NKAIN2: variants seen among roughly 807,000 people sequenced by gnomAD.
NKAIN2 encodes sodium/potassium-transporting ATPase subunit beta-1-interacting protein 2.
NKAIN2 carries 14 observed loss-of-function variants against 32.6 expected under a neutral mutation model. The observed-to-expected ratio is 0.43, with a 90% CI of 0.28 to 0.67. The LOEUF is 0.67. Among genes scored for constraint, NKAIN2 ranks in the 30% least tolerant of loss-of-function variants. The pLI is 0.17. For missense variants in NKAIN2, 198 were observed against 258.3 expected (o/e 0.77, Z 1.60); for synonymous variants, 80 against 87.2 (o/e 0.92, Z 0.46).
chr6:124,165,528 T>A (rs1788487950), intron 1 of NKAIN2, among the ~76,000 whole-genome samples: 1 of 152,096 alleles, frequency 6.6e-6, no homozygotes, highest in Non-Finnish European at 1.5e-5. Flanking sequence ...ATTTTATTAT[T>A]ATTATACTTT....
intron 2 of NKAIN2, among the ~76,000 whole-genome samples, chr6:124,339,161 T>C (rs1798007954): frequency 6.6e-6 from 1 of 151,902 alleles, no homozygotes; most frequent in South Asian, 2.1e-4. Flanking sequence ...GCCAACATGG[T>C]GAAACCCTAT....
intron 1 of NKAIN2, among the ~76,000 whole-genome samples, chr6:124,066,316 C>G: frequency 6.6e-6 from 1 of 152,072 alleles, no homozygotes; most frequent in East Asian, 1.9e-4. Context: ...GTTTCCTGAG[C>G]CATGTTATCA....
intron 1 of NKAIN2, among the ~76,000 whole-genome samples, chr6:124,229,534 A>AGATAGATG (rs1354446407): frequency 2.1e-5 from 3 of 140,144 alleles, no homozygotes; most frequent in African/African-American, 8.6e-5. Flanking sequence ...ATAGATAGAT[A>AGATAGATG]GACAGACAGA....
intron 1 of NKAIN2, among the ~76,000 whole-genome samples, chr6:124,097,614 GC>G (rs1784700575): frequency 6.6e-6 from 1 of 152,166 alleles, no homozygotes; most frequent in African/African-American, 2.4e-5. Context: ...GGCAAGTATA[GC>G]TCCTTAAACC....
At chr6:124,024,637 CCGTGATTATTAGA>C (rs113437404) in intron 1 of NKAIN2, among the ~76,000 whole-genome samples, 13 of 152,036 alleles carry the variant, frequency 8.6e-5, no homozygotes, top group African/African-American at 3.1e-4. Flanking sequence ...GTTATAATAG[CCGTGATTATTAGA>C]CAGTAGTCAT....
At position 124,637,415 on chromosome 6, in the gene NKAIN2, G is replaced by C. The variant is rs560269700; in HGVS notation, c.274-20771G>C. On this transcript the variant is annotated intron_variant, in intron 3 of 6. Coordinates refer to ENST00000368417, the MANE Select transcript of NKAIN2 (RefSeq NM_001040214.3). ...ATTAGATAAGAGAAAGAAAAAGAGGGCATCCAAATTGGAAAAAAAGGAAGT... is the reference window on the plus strand; with the variant it reads ...ATTAGATAAGAGAAAGAAAAAGAGGCCATCCAAATTGGAAAAAAAGGAAGT... 2.5e-4 allele frequency among the ~76,000 whole-genome samples: 38 copies of C among 152,004 alleles called. 1 individual carries two copies. The South Asian group carries it at 7.3e-3, about 29-fold the overall frequency.
intron 1 of NKAIN2, among the ~76,000 whole-genome samples, chr6:123,966,345 A>G (rs1234350438): frequency 6.6e-6 from 1 of 152,092 alleles, no homozygotes; most frequent in East Asian, 1.9e-4. Flanking sequence ...CTTTAATTCT[A>G]ATCATGTCCT....
intron 1 of NKAIN2, among the ~76,000 whole-genome samples, chr6:123,822,202 C>T (rs956887260): frequency 8.6e-5 from 13 of 152,020 alleles, no homozygotes; most frequent in African/African-American, 3.1e-4. Context: ...ACTCGGATGA[C>T]TGTTAAAAAA....
chr6:124,037,345 T>G (rs767664139), intron 1 of NKAIN2, among the ~76,000 whole-genome samples: 3 of 152,190 alleles, frequency 2.0e-5, no homozygotes, highest in Non-Finnish European at 4.4e-5. Context: ...TGGAAAGACT[T>G]GGACACTAAT....
intron 1 of NKAIN2, among the ~76,000 whole-genome samples, chr6:123,966,799 C>G (rs1443149580): frequency 1.3e-5 from 2 of 152,132 alleles, no homozygotes; most frequent in Non-Finnish European, 2.9e-5. Context: ...CTATTTTTCA[C>G]TCAACAAATA....
chr6:124,215,340 A>G (rs1001393385), intron 1 of NKAIN2, among the ~76,000 whole-genome samples: 6 of 152,144 alleles, frequency 3.9e-5, no homozygotes, highest in African/African-American at 1.4e-4. Context: ...TTTTATAATA[A>G]TCAAATATAA....
At chr6:124,477,815 A>ATC (rs1390739049) in intron 3 of NKAIN2, among the ~76,000 whole-genome samples, 1 of 101,464 alleles carries the variant, frequency 9.9e-6, no homozygotes, top group African/African-American at 3.8e-5. Flanking sequence ...CCTCCTCTCC[A>ATC]TCTCTCTCTC....
At position 124,169,129 on chromosome 6, in the gene NKAIN2, T is replaced by C. The variant is rs532654130; in HGVS notation, c.55-113876T>C. Among the ~76,000 whole-genome samples, 7 of 152,286 alleles carry C rather than the reference T, an allele frequency of 4.6e-5. No individual in the cohort carries two copies. In the South Asian group the frequency reaches 1.2e-3, roughly 27 times the overall value. The stretch of plus-strand genomic sequence containing the variant: ...GACACATATATGTACATTTAAATTT[T>C]GATGTTTATTATCCAGTATAGCACT... On this transcript the variant is annotated intron_variant, in intron 1 of 6. Transcript: ENST00000368417.
intron 1 of NKAIN2, among the ~76,000 whole-genome samples, chr6:124,028,887 G>A (rs1249081134): frequency 3.1e-4 from 14 of 44,722 alleles, no homozygotes; most frequent in Non-Finnish European, 9.1e-4. Context: ...ATATATATGT[G>A]TATATATATA....
In NKAIN2 at chr6:124,664,793, C is replaced by CAAAA. The variant is rs57032378; in HGVS notation, c.474+6442_474+6445dup. On this transcript the variant is annotated intron_variant, in intron 4 of 6. Coordinates refer to ENST00000368417, the MANE Select transcript of NKAIN2 (RefSeq NM_001040214.3). ...TGGGCGACAGAGCGAGACTCCGTCT[C>CAAAA]AAAAAAAAAAAAAAAAAAAAAAAAA... Among the ~76,000 whole-genome samples, 29 of 40,806 alleles carry CAAAA rather than the reference C, an allele frequency of 7.1e-4. 2 individuals carry two copies. Among genetic ancestry groups the CAAAA allele is most frequent in the Middle Eastern group, 0.024 (1 of 42 alleles). The allele number at this position is 40,806 out of a possible 152,430, so 26.8% of individuals were successfully genotyped here.
chr6:124,169,665 C>G (rs574196383), intron 1 of NKAIN2, among the ~76,000 whole-genome samples: 1 of 152,276 alleles, frequency 6.6e-6, no homozygotes, highest in South Asian at 2.1e-4. Flanking sequence ...CCTTTCTGAG[C>G]CATGCTGATT....
rs545526280 is a variant in NKAIN2 at position 124,563,780 on chromosome 6, C to T, written c.274-94406C>T. Among the ~76,000 whole-genome samples the T allele has an allele frequency of 8.5e-5, 13 of 152,244 alleles. No individual in the cohort carries two copies. The South Asian group carries it at 1.2e-3, about 15-fold the overall frequency. On this transcript the variant is annotated intron_variant, in intron 3 of 6. Transcript: ENST00000368417. ...CCAGGTTCAAGCAATTCTGGATTCT[C>T]GCGCCTCAGCCTCCGGAGTAGCTGG...
intron 3 of NKAIN2, among the ~76,000 whole-genome samples, chr6:124,630,648 G>T (rs948389346): frequency 1.1e-4 from 17 of 151,988 alleles, no homozygotes; most frequent in African/African-American, 4.1e-4. Context: ...TGAATTACAG[G>T]AGCTCTTTCA....
intron 1 of NKAIN2, among the ~76,000 whole-genome samples, chr6:123,960,853 G>T (rs1777810871): frequency 6.6e-6 from 1 of 151,854 alleles, no homozygotes; most frequent in African/African-American, 2.4e-5. Context: ...GGGAGTGGGG[G>T]CTACAATTGC....
Sources: allele counts gnomAD v4.1 joint callset (sites outside exome capture counted in the v4.1 genomes callset), GRCh38; gene constraint gnomAD v4.1.1; transcripts MANE v1.5; gene names NCBI Gene and HGNC (gene_info 2026-07-23, HGNC 2026-07-21).